KIF3A: variants seen among roughly 807,000 people sequenced by gnomAD.
KIF3A encodes the protein kinesin-like protein KIF3A.
Under a neutral mutation model 92.6 loss-of-function variants are expected in KIF3A, and 27 were observed. The observed-to-expected ratio is 0.29, with a 90% CI of 0.21 to 0.40. The LOEUF (loss-of-function observed/expected upper bound fraction) is 0.40. KIF3A is among the 10% of genes least tolerant of loss of function. The pLI is 1.00. For missense variants in KIF3A, 581 were observed against 872.6 expected (o/e 0.67, Z 4.21); for synonymous variants, 250 against 275.4 (o/e 0.91, Z 0.92).
chr5:132,723,830 A>G (rs1423615788), intron 4 of KIF3A: 2 of 152,240 alleles, frequency 1.3e-5, no homozygotes, highest in African/African-American at 4.8e-5. Context: ...GCTTCTGCAC[A>G]GCAAAAGAAA....
intron 5 of KIF3A, among the ~76,000 whole-genome samples, chr5:132,719,034 A>C (rs1753736808): frequency 6.8e-6 from 1 of 147,922 alleles, no homozygotes; most frequent in African/African-American, 2.4e-5. Flanking sequence ...ACATCTAAAA[A>C]TATTTTCCAG....
At chr5:132,709,099 G>C in intron 9 of KIF3A, 121 bp from the exon 10 acceptor site, 1 of 743,362 alleles carries the variant, frequency 1.3e-6, no homozygotes, top group South Asian at 1.7e-5. Flanking sequence ...ATCAAGCTTT[G>C]TATTAAAGAA....
intron 4 of KIF3A, chr5:132,723,658 A>G (rs2149913725): frequency 6.6e-6 from 1 of 152,370 alleles, no homozygotes; most frequent in Non-Finnish European, 1.5e-5. Context: ...TTCAAGATGG[A>G]TTAAAGACTT....
Position 132,702,895 on chromosome 5 carries a change from T to C in KIF3A, c.1637A>G (p.Glu546Gly), listed in dbSNP as rs1464416123. 6.2e-7 allele frequency: 1 copy of C among 1,612,994 alleles called. No homozygotes were observed. The highest frequency in any genetic ancestry group is 8.5e-7 in the Non-Finnish European group (1 of 1,179,694). The change falls in exon 13 of 19, where the codon GAG becomes GGG. Residue 546 changes from glutamate to glycine, a missense_variant. Glu to Gly is a moderately conservative substitution (Grantham distance 98). Coordinates refer to ENST00000403231, the MANE Select transcript of KIF3A (RefSeq NM_001300791.2). ...AGAAAGTCACATTACCTCTTTTTCCTCAAGTTCTCTGCGAAGTTGCTCTGC... is the reference window on the plus strand; with the variant it reads ...AGAAAGTCACATTACCTCTTTTTCCCCAAGTTCTCTGCGAAGTTGCTCTGC... ...KRAEQLRREL[E>G]EKEQERLDIE...
At chr5:132,705,485 G>A (rs563904453) in intron 11 of KIF3A, among the ~76,000 whole-genome samples, 1 of 152,070 alleles carries the variant, frequency 6.6e-6, no homozygotes, top group East Asian at 1.9e-4. Context: ...AACCCATTAA[G>A]AAGCAGTAAA....
intron 11 of KIF3A, among the ~76,000 whole-genome samples, chr5:132,703,856 CA>C (rs1441476193): frequency 6.6e-6 from 1 of 151,130 alleles, no homozygotes; most frequent in Non-Finnish European, 1.5e-5. Context: ...TAACTAAGAA[CA>C]AAAGCGAAAG....
Position 132,716,038 on chromosome 5 carries a change from G to A in KIF3A, c.955-107C>T, listed in dbSNP as rs180731330. ...ACATTTAAAGCACATATGCACCCTTGGCCTTCTCGAAAATGAGAGTGTCAA... is the reference window on the plus strand; with the variant it reads ...ACATTTAAAGCACATATGCACCCTTAGCCTTCTCGAAAATGAGAGTGTCAA... On this transcript the variant is annotated intron_variant, in intron 7 of 18. Transcript: ENST00000403231. 39 of 924,362 alleles carry A rather than the reference G, an allele frequency of 4.2e-5. 1 individual carries two copies. The Admixed American group carries it at 1.0e-3, about 24-fold the overall frequency. The allele number at this position is 924,362 out of a possible 1,614,324, so 57.3% of individuals were successfully genotyped here. A position where few individuals can be genotyped will look rare whatever the true frequency, so the allele number is the denominator to read the frequency against.
At chr5:132,698,893 A>G (rs1016499911) in intron 18 of KIF3A, among the ~76,000 whole-genome samples, 1 of 151,978 alleles carries the variant, frequency 6.6e-6, no homozygotes, top group African/African-American at 2.4e-5. Context: ...ATGCGCCACC[A>G]TGCCTGGTTA....
Position 132,703,589 on chromosome 5 carries a change from A to G in KIF3A, c.1340T>C (p.Ile447Thr), listed in dbSNP as rs754999532. The change falls in exon 12 of 19, where the codon ATT becomes ACT. Residue 447 changes from isoleucine to threonine, a missense_variant. Coordinates refer to ENST00000403231, the MANE Select transcript of KIF3A (RefSeq NM_001300791.2). ...CTCATCAATTTTTGCTTGCATTTCAATCATCTTGTCTGGGGAGACTTTCTT... is the reference window on the plus strand; with the variant it reads ...CTCATCAATTTTTGCTTGCATTTCAGTCATCTTGTCTGGGGAGACTTTCTT... The part of the protein sequence containing the change: ...GKKKVSPDKM[I>T]EMQAKIDEER... The G allele has an allele frequency of 1.2e-6, 2 of 1,611,396 alleles. No homozygotes were observed. Among genetic ancestry groups the G allele is most frequent in the African/African-American group, 1.3e-5 (1 of 74,820 alleles).
intron 13 of KIF3A, 38 bp downstream of exon 13, chr5:132,702,847 T>C: frequency 6.3e-7 from 1 of 1,590,660 alleles, no homozygotes; most frequent in Non-Finnish European, 8.6e-7. Context: ...TAAATCTCTC[T>C]GGCAAAATAC....
At chr5:132,720,364 C>A (rs936877986) in intron 5 of KIF3A, among the ~76,000 whole-genome samples, 3 of 152,182 alleles carry the variant, frequency 2.0e-5, no homozygotes, top group Non-Finnish European at 4.4e-5. Context: ...TACCAAGAGA[C>A]AGCCGTATGA....
intron 2 of KIF3A, among the ~76,000 whole-genome samples, chr5:132,730,299 CT>C (rs1754182370): frequency 6.6e-6 from 1 of 151,936 alleles, no homozygotes; most frequent in South Asian, 2.1e-4. Context: ...AAACCCGTCC[CT>C]ACTAAAACTA....
chr5:132,729,293 T>TA (rs1219187683), intron 2 of KIF3A, among the ~76,000 whole-genome samples: 18 of 151,112 alleles, frequency 1.2e-4, no homozygotes, highest in African/African-American at 2.9e-4. Flanking sequence ...AAACTAAATT[T>TA]AAAAAAAAAT....
At chr5:132,724,464 T>TA (rs1205494244) in intron 4 of KIF3A, among the ~76,000 whole-genome samples, 3 of 151,966 alleles carry the variant, frequency 2.0e-5, no homozygotes, top group East Asian at 3.9e-4. Flanking sequence ...TATGCAGCCA[T>TA]AAAAAATGAT....
chr5:132,731,637 G>A (rs1754233889), intron 2 of KIF3A, among the ~76,000 whole-genome samples: 1 of 152,056 alleles, frequency 6.6e-6, no homozygotes, highest in African/African-American at 2.4e-5. Flanking sequence ...TAGCCTCCAG[G>A]TGCTATCAGG....
At chr5:132,720,090 G>A (rs181928936) in intron 5 of KIF3A, among the ~76,000 whole-genome samples, 2 of 151,450 alleles carry the variant, frequency 1.3e-5, no homozygotes, top group African/African-American at 4.9e-5. Flanking sequence ...GATCCTCCCA[G>A]TTCAGCCTCC....
chr5:132,735,035 C>T (rs946165282), intron 1 of KIF3A, among the ~76,000 whole-genome samples: 1 of 152,010 alleles, frequency 6.6e-6, no homozygotes, highest in Admixed American at 6.6e-5. Flanking sequence ...ATTACCTAAC[C>T]TTATAAGCAT....
At chr5:132,725,531 G>C (rs1461107043) in intron 4 of KIF3A, among the ~76,000 whole-genome samples, 1 of 152,110 alleles carries the variant, frequency 6.6e-6, no homozygotes, top group African/African-American at 2.4e-5. Flanking sequence ...TAGACTGCTA[G>C]AACCACCTTC....
In KIF3A at chr5:132,727,901, C is replaced by T. The variant is rs543408865; in HGVS notation, c.281-1403G>A. On this transcript the variant is annotated intron_variant, in intron 2 of 18. Transcript: ENST00000403231. Reference sequence around the variant, plus strand: ...CTATTCAGTTAACCTCAACTTTTCTCAGACTTTTTTTTGTGAAAATAATCA... The same window carrying T: ...CTATTCAGTTAACCTCAACTTTTCTTAGACTTTTTTTTGTGAAAATAATCA... Among the ~76,000 whole-genome samples the T allele has an allele frequency of 1.9e-3, 293 of 152,266 alleles. 1 individual carries two copies. The highest frequency in any genetic ancestry group is 3.4e-3 in the Middle Eastern group (1 of 294).
Sources: gnomAD v4.1 joint callset for allele counts (sites outside exome capture counted in the v4.1 genomes callset) on GRCh38, gnomAD v4.1.1 for gene constraint, MANE v1.5 for transcripts, NCBI Gene and HGNC (gene_info 2026-07-23, HGNC 2026-07-21) for gene names.